Variants in SCIN observed in about 807,000 individuals in gnomAD.
SCIN encodes the protein scinderin.
A neutral mutation model predicts 91.8 loss-of-function variants in SCIN; 91 were observed. The ratio of observed to expected loss-of-function variants is 0.99; its 90% CI spans 0.84 to 1.18. The LOEUF is 1.18. Among genes scored for constraint, SCIN ranks in the 50% most tolerant of loss-of-function variants. SCIN has a pLI of 0.00. For synonymous variants in SCIN, 367 were observed against 312.6 expected, an observed-to-expected ratio of 1.17 and a Z score of -1.84; for missense variants, 1,087 against 863.9, an observed-to-expected ratio of 1.26 and a Z score of -3.24.
In SCIN at chr7:12,651,883, A is replaced by G; in HGVS notation, c.2002A>G (p.Lys668Glu). Residue 668 changes from lysine (K) to glutamate (E), a missense_variant, in exon 15 of 16, where the codon AAA becomes GAA. Physicochemically the swap from Lys to Glu is moderately conservative, Grantham distance 56 (BLOSUM62 1). Coordinates refer to ENST00000297029, the MANE Select transcript of SCIN (RefSeq NM_001112706.3). This position sits in a 1 kb window ranked among gnomAD's most constrained non-coding sequence, Gnocchi z 5.9. ...CAAAGATGCTAATGAAGTTGAGAAA[A>G]AAGAATCTCTGAAGTCTGGTAAGCT... Reference protein sequence around the residue: ...IGKDANEVEKKESLKSAKMYL... With the variant: ...IGKDANEVEKEESLKSAKMYL... 1.2e-6 allele frequency: 2 copies of G among 1,603,980 alleles called. No homozygotes were observed. Among genetic ancestry groups the G allele is most frequent in the Non-Finnish European group, 1.7e-6 (2 of 1,173,382 alleles).
At position 12,636,678 on chromosome 7, in the gene SCIN, A is replaced by G. The variant is rs555010176; in HGVS notation, c.1410+543A>G. 2.0e-5 allele frequency among the ~76,000 whole-genome samples: 3 copies of G among 152,346 alleles called. No homozygotes were observed. The East Asian group carries it at 5.8e-4, about 29-fold the overall frequency. ...CTTGTAAGTAAAACAGAAGCCAGAC[A>G]GAGTCAGAGGGATGCAGCATGGGAA... On this transcript the variant is annotated intron_variant, in intron 10 of 15. Coordinates refer to ENST00000297029, the MANE Select transcript of SCIN (RefSeq NM_001112706.3).
rs1257312410 is a variant in SCIN at position 12,657,570 on chromosome 7, ATATTTTTTT to A, written c.*4857_*4865del. 4.8e-5 allele frequency: 1 copy of A among 20,862 alleles called. No individual in the cohort carries two copies. The highest frequency in any genetic ancestry group is 4.1e-3 in the South Asian group (1 of 242). 1.3% of individuals were successfully genotyped at this position (20,862 alleles called of 1,614,324 possible). On this transcript the variant is annotated 3_prime_UTR_variant, in exon 16 of 16. Transcript: ENST00000297029. ...TATATATATATATATATATATATAT[ATATTTTTTT>A]TTTTTTTTTTTTTTTTTTTGCATTG...
At chr7:12,611,052 G>T (rs1050057513) in intron 4 of SCIN, 1 of 152,226 alleles carries the variant, frequency 6.6e-6, no homozygotes, top group Non-Finnish European at 1.5e-5. Context: ...GCTGCCCGCT[G>T]CCTGGCTACC....
At chr7:12,622,505 C>G (rs750017961) in intron 4 of SCIN, among the ~76,000 whole-genome samples, 1 of 152,002 alleles carries the variant, frequency 6.6e-6, no homozygotes, top group Admixed American at 6.6e-5. Flanking sequence ...TTAATTAATT[C>G]CTTCTAGCTT....
chr7:12,635,473 G>A (rs1036133986), intron 9 of SCIN, among the ~76,000 whole-genome samples: 12 of 150,618 alleles, frequency 8.0e-5, no homozygotes, highest in African/African-American at 2.7e-4. Context: ...TTAGCCCGGT[G>A]TGGTGGCAGG....
chr7:12,575,777 C>G (rs1254150806), intron 1 of SCIN, among the ~76,000 whole-genome samples: 3 of 151,516 alleles, frequency 2.0e-5, no homozygotes, highest in African/African-American at 4.9e-5. Flanking sequence ...GAAAACTAAA[C>G]TGATTCTTAA....
intron 3 of SCIN, among the ~76,000 whole-genome samples, chr7:12,586,967 T>C (rs938090768): frequency 5.3e-5 from 8 of 152,150 alleles, no homozygotes; most frequent in African/African-American, 1.7e-4. Flanking sequence ...AATTAACAGA[T>C]ACAAAATTAC....
At chr7:12,577,800 G>C (rs778443057) in intron 1 of SCIN, 21 of 445,624 alleles carry the variant, frequency 4.7e-5, no homozygotes, top group Non-Finnish European at 8.2e-5. Context: ...GGGTTACAGT[G>C]AGCTATGATT....
chr7:12,580,092 T>C (rs1009945734), intron 2 of SCIN, among the ~76,000 whole-genome samples: 6 of 152,246 alleles, frequency 3.9e-5, no homozygotes, highest in Non-Finnish European at 8.8e-5. Context: ...CCAACTTTTA[T>C]TGGAGAACGG....
intron 4 of SCIN, among the ~76,000 whole-genome samples, chr7:12,612,058 A>G (rs6979260): frequency 0.17 from 25,999 of 152,158 alleles, 2,816 homozygotes; most frequent in East Asian, 0.36. Context: ...CTTTGTAAGA[A>G]TGGAAATTTG....
At chr7:12,588,466 C>A (rs567888326) in intron 3 of SCIN, among the ~76,000 whole-genome samples, 1 of 151,926 alleles carries the variant, frequency 6.6e-6, no homozygotes, top group Admixed American at 6.6e-5. Context: ...AGAGAAAGGA[C>A]GAGAGAGAGA....
Position 12,644,721 on chromosome 7 carries a change from A to C in SCIN, c.1881+16A>C. 1.3e-6 allele frequency: 2 copies of C among 1,550,940 alleles called. No individual in the cohort carries two copies. Among genetic ancestry groups the C allele is most frequent in the Non-Finnish European group, 1.7e-6 (2 of 1,146,960 alleles). ...AAGATTTGTTGTAAGTGTCCTTAAA[A>C]ATAGTGCGATAGGGCTGGTTGCGGT... is the stretch of plus-strand genomic sequence containing the variant. On this transcript the variant is annotated intron_variant, in intron 13 of 15. Coordinates refer to ENST00000297029, the MANE Select transcript of SCIN (RefSeq NM_001112706.3).
At chr7:12,609,401 A>G (rs1485531016) in intron 4 of SCIN, among the ~76,000 whole-genome samples, 1 of 152,180 alleles carries the variant, frequency 6.6e-6, no homozygotes, top group South Asian at 2.1e-4. Context: ...TCTTCTTTTC[A>G]TATTTAAAAT....
intron 1 of SCIN, 35 bp from the exon 2 acceptor site, chr7:12,578,029 C>G: frequency 6.7e-7 from 1 of 1,490,982 alleles, no homozygotes; most frequent in Non-Finnish European, 8.9e-7. Flanking sequence ...CTTTCTCTTG[C>G]TTGATAATTG....
At chr7:12,602,983 C>A (rs929739312) in intron 3 of SCIN, among the ~76,000 whole-genome samples, 3 of 152,132 alleles carry the variant, frequency 2.0e-5, no homozygotes, top group South Asian at 4.1e-4. Flanking sequence ...TGATAAATGT[C>A]CATGAAATCT....
intron 3 of SCIN, among the ~76,000 whole-genome samples, chr7:12,597,607 ACTCAAC>A (rs1562605637): frequency 1.3e-5 from 2 of 152,078 alleles, no homozygotes; most frequent in Non-Finnish European, 2.9e-5. Flanking sequence ...GCACTTATTA[ACTCAAC>A]ACATAGTTTA....
rs1475646444 is a variant in SCIN, at chr7:12,657,313, T to A, written c.*4598T>A. ...CTCACTGCAATCTCTGCCTCCTGGG[T>A]TCAAGCAATCCTCCCACCTCAGTCT... On this transcript the variant is annotated 3_prime_UTR_variant, in exon 16 of 16. Transcript: ENST00000297029. 3 of 144,588 alleles carry A rather than the reference T, an allele frequency of 2.1e-5. No individual in the cohort carries two copies. Among genetic ancestry groups the A allele is most frequent in the Non-Finnish European group, 4.5e-5 (3 of 66,636 alleles). 9.0% of individuals were successfully genotyped at this position (144,588 alleles called of 1,614,324 possible). A position where few individuals can be genotyped will look rare whatever the true frequency, so the allele number is the denominator to read the frequency against.
chr7:12,604,712 T>A lies in SCIN; in HGVS notation c.666+49T>A. 4 of 1,408,016 alleles carry A rather than the reference T, an allele frequency of 2.8e-6. No homozygotes were observed. The South Asian group carries it at 3.9e-5, about 14-fold the overall frequency. 87.2% of individuals were successfully genotyped at this position (1,408,016 alleles called of 1,614,324 possible). On this transcript the variant is annotated intron_variant, in intron 4 of 15. Transcript: ENST00000297029. ...TAAAGGGTTACCACTCCAACTCGTA[T>A]GTGTCTGTGTGGTGTGTGTGTGTGT...
intron 2 of SCIN, among the ~76,000 whole-genome samples, chr7:12,580,761 A>G (rs1301009163): frequency 6.6e-6 from 1 of 152,208 alleles, no homozygotes; most frequent in East Asian, 1.9e-4. Flanking sequence ...GGCAAGAGCT[A>G]TGGCATCTTC....
Sources: gnomAD v4.1 joint callset for allele counts (sites outside exome capture counted in the v4.1 genomes callset) on GRCh38, gnomAD v4.1.1 for gene constraint, Gnocchi (gnomAD v3.1) non-coding constraint, MANE v1.5 for transcripts, NCBI Gene and HGNC (gene_info 2026-07-23, HGNC 2026-07-21) for gene names.